AUTS2: variants seen among roughly 807,000 people sequenced by gnomAD.
AUTS2 encodes the protein autism susceptibility gene 2 protein.
AUTS2 carries 17 observed loss-of-function variants against 112.4 expected under a neutral mutation model. The observed-to-expected ratio is 0.15, with a 90% CI of 0.10 to 0.23. The LOEUF is 0.23. AUTS2 is among the 10% of genes least tolerant of loss of function. The pLI is 1.00. For missense variants in AUTS2, 1,510 were observed against 1,701.6 expected, an observed-to-expected ratio of 0.89 and a Z score of 1.98; for synonymous variants, 751 against 702.7, an observed-to-expected ratio of 1.07 and a Z score of -1.09.
At chr7:70,041,970 T>A (rs1246289109) in intron 2 of AUTS2, among the ~76,000 whole-genome samples, 1 of 152,204 alleles carries the variant, frequency 6.6e-6, no homozygotes, top group African/African-American at 2.4e-5. Flanking sequence ...ATTTATGGAA[T>A]TATCAGAGTT....
intron 1 of AUTS2, among the ~76,000 whole-genome samples, chr7:69,669,857 A>G (rs1367635986): frequency 6.6e-6 from 1 of 152,026 alleles, no homozygotes; most frequent in Non-Finnish European, 1.5e-5. Flanking sequence ...GAACTCATTT[A>G]TTGAACACCA....
chr7:69,633,452 G>A (rs949277257), intron 1 of AUTS2, among the ~76,000 whole-genome samples: 6 of 151,924 alleles, frequency 3.9e-5, no homozygotes, highest in African/African-American at 1.5e-4. Context: ...ATTTCTTTTG[G>A]GTAAATGCCC....
chr7:69,642,683 T>C (rs1326576667), intron 1 of AUTS2, among the ~76,000 whole-genome samples: 1 of 152,196 alleles, frequency 6.6e-6, no homozygotes, highest in Non-Finnish European at 1.5e-5. Flanking sequence ...GACATTTCCA[T>C]GCATTTATTT....
chr7:70,351,048 T>C lies in AUTS2; in HGVS notation c.661-84704T>C, dbSNP rs111641816. 4.3e-3 allele frequency among the ~76,000 whole-genome samples: 639 copies of C among 146,980 alleles called. 5 individuals carry two copies. Among genetic ancestry groups the C allele is most frequent in the African/African-American group, 0.016 (608 of 39,138 alleles). ...TGTTGCAAATGACAGGATTTTGTCT[T>C]CTTCTTTTTTTTTTTTTTTTTAGAT... On this transcript the variant is annotated intron_variant, in intron 4 of 18. Transcript: ENST00000342771.
intron 2 of AUTS2, among the ~76,000 whole-genome samples, chr7:70,100,775 G>A (rs1251341947): frequency 6.6e-6 from 1 of 152,172 alleles, no homozygotes; most frequent in African/African-American, 2.4e-5. Context: ...GGAGACCCAG[G>A]AAAGAATTTA....
chr7:70,288,375 C>CT (rs1788560591), intron 4 of AUTS2, among the ~76,000 whole-genome samples: 1 of 152,216 alleles, frequency 6.6e-6, no homozygotes, highest in South Asian at 2.1e-4. Flanking sequence ...GCACTCCAGC[C>CT]TGGGCGACAG....
chr7:70,707,552 A>G (rs1367007862), intron 6 of AUTS2, among the ~76,000 whole-genome samples: 1 of 152,156 alleles, frequency 6.6e-6, no homozygotes, highest in East Asian at 1.9e-4. Context: ...ACTGGGTTCT[A>G]TGGGAAGACA....
chr7:70,745,431 A>G (rs1181126214), intron 6 of AUTS2, among the ~76,000 whole-genome samples: 1 of 152,240 alleles, frequency 6.6e-6, no homozygotes, highest in East Asian at 1.9e-4. Context: ...TTCCGGATTT[A>G]AAGCCAGTGT....
intron 1 of AUTS2, among the ~76,000 whole-genome samples, chr7:69,628,044 A>G (rs1794040828): frequency 1.3e-5 from 2 of 152,316 alleles, no homozygotes; most frequent in South Asian, 4.1e-4. Context: ...CCATGTAGCC[A>G]CATACCTAAT....
intron 2 of AUTS2, among the ~76,000 whole-genome samples, chr7:69,902,676 C>T (rs1795013282): frequency 6.6e-6 from 1 of 152,054 alleles, no homozygotes; most frequent in South Asian, 2.1e-4. Flanking sequence ...GGCAACTGAT[C>T]TTTTTACTCG....
intron 2 of AUTS2, among the ~76,000 whole-genome samples, chr7:69,987,614 C>T (rs74514708): frequency 0.023 from 3,487 of 152,082 alleles, 119 homozygotes; most frequent in African/African-American, 0.075. Flanking sequence ...TACAGGTGTG[C>T]GCCACTATGC....
intron 2 of AUTS2, among the ~76,000 whole-genome samples, chr7:70,094,719 G>C (rs888749284): frequency 6.6e-6 from 1 of 152,104 alleles, no homozygotes; most frequent in Admixed American, 6.5e-5. Context: ...GCCAACAATT[G>C]AAAGTCTGAG....
chr7:70,643,365 G>C (rs1262720226), intron 5 of AUTS2, among the ~76,000 whole-genome samples: 1 of 152,220 alleles, frequency 6.6e-6, no homozygotes, highest in East Asian at 1.9e-4. Context: ...GAAGTCAAGA[G>C]ATCGAGACCA....
At chr7:70,514,377 C>T (rs1446269320) in intron 5 of AUTS2, among the ~76,000 whole-genome samples, 1 of 152,334 alleles carries the variant, frequency 6.6e-6, no homozygotes, top group East Asian at 1.9e-4. Context: ...ACTGGCTGTA[C>T]AAGCATGGCA....
At chr7:70,385,554 T>C (rs1314427682) in intron 4 of AUTS2, among the ~76,000 whole-genome samples, 1 of 152,068 alleles carries the variant, frequency 6.6e-6, no homozygotes, top group South Asian at 2.1e-4. Flanking sequence ...TAGAAAATAG[T>C]CTCATGAGAC....
chr7:70,408,861 C>T (rs1425628271), intron 4 of AUTS2, among the ~76,000 whole-genome samples: 1 of 152,198 alleles, frequency 6.6e-6, no homozygotes, highest in Non-Finnish European at 1.5e-5. Flanking sequence ...CCTATTTAAA[C>T]ATTTGCCCTC....
intron 2 of AUTS2, among the ~76,000 whole-genome samples, chr7:70,115,530 A>G (rs1394458292): frequency 2.6e-5 from 4 of 152,234 alleles, no homozygotes; most frequent in African/African-American, 4.8e-5. Context: ...TGAACGTACT[A>G]TAGTCAGGTA....
intron 2 of AUTS2, among the ~76,000 whole-genome samples, chr7:70,083,818 G>A (rs561355517): frequency 1.2e-4 from 19 of 152,154 alleles, no homozygotes; most frequent in Admixed American, 9.8e-4. Context: ...ATGTTGGTTC[G>A]TATCTGTAGT....
intron 5 of AUTS2, among the ~76,000 whole-genome samples, chr7:70,550,624 T>C (rs1469046770): frequency 6.6e-6 from 1 of 151,942 alleles, no homozygotes; most frequent in Non-Finnish European, 1.5e-5. Flanking sequence ...GCTATTGGAG[T>C]GGGAATTTAC....
Sources: allele counts gnomAD v4.1 joint callset (sites outside exome capture counted in the v4.1 genomes callset), GRCh38; gene constraint gnomAD v4.1.1; transcripts MANE v1.5; gene names NCBI Gene and HGNC (gene_info 2026-07-23, HGNC 2026-07-21).